FURIN: variants seen among roughly 807,000 people sequenced by gnomAD.
FURIN encodes the protein FES upstream region.
Under a neutral mutation model 89.2 loss-of-function variants are expected in FURIN, and 18 were observed. That is an observed-to-expected ratio of 0.20 (90% CI 0.14 to 0.30). The LOEUF (loss-of-function observed/expected upper bound fraction) is 0.30. Ranked by LOEUF, FURIN falls within the 10% of genes least tolerant of loss-of-function variation. The pLI, the probability that FURIN is intolerant of heterozygous loss-of-function variation, is 1.00. For synonymous variants in FURIN, 508 were observed against 466.4 expected (o/e 1.09, Z -1.15); for missense variants, 879 against 1,100.5 (o/e 0.80, Z 2.85).
chr15:90,880,581 T>G, intron 13 of FURIN, 110 bp from the exon 14 acceptor site: 7 of 1,207,834 alleles, frequency 5.8e-6, no homozygotes, highest in Non-Finnish European at 8.1e-6. Flanking sequence ...TCTGGCCCCA[T>G]GGGGTTGGTC....
intron 6 of FURIN, 107 bp from the exon 7 acceptor site, chr15:90,877,420 G>T: frequency 1.0e-6 from 1 of 969,294 alleles, no homozygotes; most frequent in Non-Finnish European, 1.5e-6. Context: ...GGTACTCAGG[G>T]GATGATGGGT....
At position 90,878,120 on chromosome 15, in the gene FURIN, C is replaced by T. The variant is rs555199914; in HGVS notation, c.668-12C>T. 25 of 1,613,572 alleles carry T rather than the reference C, an allele frequency of 1.5e-5. No homozygotes were observed. Among genetic ancestry groups the T allele is most frequent in the Non-Finnish European group, 1.8e-5 (21 of 1,179,952 alleles). On this transcript the variant is annotated splice_polypyrimidine_tract_variant and intron_variant, in intron 7 of 15. Transcript: ENST00000268171. ...TGCAGCATCCCTCTTCGTGCCCCCC[C>T]TTCACGGCCAGGGGTGCGCATGCTG...
rs545280206 is a variant in FURIN, at chr15:90,882,724, G to A, written c.*846G>A. ...CCACCCGATGCTGCTTTCCCCTGTG[G>A]GGATCTCAGGGGCTGTTTGAGGATA... On this transcript the variant is annotated 3_prime_UTR_variant, in exon 16 of 16. Transcript: ENST00000268171. The A allele has an allele frequency of 1.3e-5, 2 of 152,816 alleles. No individual in the cohort carries two copies. The highest frequency in any genetic ancestry group is 4.1e-4 in the South Asian group (2 of 4,838). The allele number at this position is 152,816 out of a possible 1,614,324, so 9.5% of individuals were successfully genotyped here.
chr15:90,877,936 CTT>C (rs2031727554), intron 7 of FURIN, among the ~76,000 whole-genome samples, 194 bp from the exon 8 acceptor site: 1 of 152,180 alleles, frequency 6.6e-6, no homozygotes, highest in Admixed American at 6.5e-5. Flanking sequence ...GAGGTGTTCT[CTT>C]TTTCCTTCTC....
intron 1 of FURIN, among the ~76,000 whole-genome samples, chr15:90,871,986 T>C (rs2031333586): frequency 6.6e-6 from 1 of 151,182 alleles, no homozygotes; most frequent in Non-Finnish European, 1.5e-5. Context: ...GCGGGGCCCC[T>C]GCTGGGGGCG....
Position 90,876,487 on chromosome 15 carries a change from C to T in FURIN, c.302C>T (p.Ala101Val). 1.2e-6 allele frequency: 2 copies of T among 1,613,742 alleles called. No homozygotes were observed. The highest frequency in any genetic ancestry group is 8.5e-7 in the Non-Finnish European group (1 of 1,179,722). ...PQVQWLEQQV[A>V]KRRTKRDVYQ... ...GTACAGTGGCTGGAACAGCAGGTGG[C>T]AAAGCGACGGACTAAACGGGACGTG... Residue 101 changes from alanine (A) to valine (V), a missense_variant, in exon 4 of 16, where the codon GCA becomes GTA. By Grantham distance (64) the Ala-to-Val change is moderately conservative. Around this residue, in one of 5 missense-constraint regions of FURIN, gnomAD observed 139 missense variants for 215.0 expected, o/e 0.65. Transcript: ENST00000268171. This position sits in a 1 kb window ranked among gnomAD's most constrained non-coding sequence, Gnocchi z 5.0.
chr15:90,878,697 C>A, intron 8 of FURIN, 67 bp from the exon 9 acceptor site: 1 of 921,978 alleles, frequency 1.1e-6, no homozygotes, highest in Non-Finnish European at 1.7e-6. Context: ...AGTTTTCCAG[C>A]AGTGTCCTCC....
Position 90,875,653 on chromosome 15 carries a change from C to A in FURIN, c.-88C>A, listed in dbSNP as rs1233153619. The A allele has an allele frequency of 8.0e-7, 1 of 1,244,382 alleles. No homozygotes were observed. The highest frequency in any genetic ancestry group is 1.1e-6 in the Non-Finnish European group (1 of 914,984). 77.1% of individuals were successfully genotyped at this position (1,244,382 alleles called of 1,614,324 possible). A position where few individuals can be genotyped will look rare whatever the true frequency, so the allele number is the denominator to read the frequency against. ...GCCCCCACCAGTCAGCCCCGGGCCACAGGCAGTGAGCAGGCACCTGGGAGC... is the reference window on the plus strand; with the variant it reads ...GCCCCCACCAGTCAGCCCCGGGCCAAAGGCAGTGAGCAGGCACCTGGGAGC... On this transcript the variant is annotated 5_prime_UTR_variant, in exon 2 of 16. Coordinates refer to ENST00000268171, the MANE Select transcript of FURIN (RefSeq NM_002569.4).
chr15:90,882,111 G>C lies in FURIN; in HGVS notation c.*233G>C. 1 of 534,888 alleles carries C rather than the reference G, an allele frequency of 1.9e-6. No homozygotes were observed. The highest frequency in any genetic ancestry group is 3.3e-6 in the Non-Finnish European group (1 of 301,080). 33.1% of individuals were successfully genotyped at this position (534,888 alleles called of 1,614,324 possible). ...TCAGCACCCCTTCCATGTGGAGAAAGGAGTGAAACCTTTAGGGCAGCTTGC... is the reference window on the plus strand; with the variant it reads ...TCAGCACCCCTTCCATGTGGAGAAACGAGTGAAACCTTTAGGGCAGCTTGC... On this transcript the variant is annotated 3_prime_UTR_variant, in exon 16 of 16. Coordinates refer to ENST00000268171, the MANE Select transcript of FURIN (RefSeq NM_002569.4).
In FURIN at chr15:90,882,827, TACCCACGTTCTCAC is replaced by T. The variant is rs1162412154; in HGVS notation, c.*956_*969del. On this transcript the variant is annotated 3_prime_UTR_variant, in exon 16 of 16. Transcript: ENST00000268171. Reference sequence around the variant, plus strand: ...TTTTTAATGGGGGTAGCAGCTGGACTACCCACGTTCTCACACCCACCGTCCGCCCTGCTCCTCCC... The same window carrying T: ...TTTTTAATGGGGGTAGCAGCTGGACTACCCACCGTCCGCCCTGCTCCTCCC... The T allele has an allele frequency of 6.6e-6, 1 of 152,670 alleles. No individual in the cohort carries two copies. Among genetic ancestry groups the T allele is most frequent in the Non-Finnish European group, 1.5e-5 (1 of 68,102 alleles). 9.5% of individuals were successfully genotyped at this position (152,670 alleles called of 1,614,324 possible).
intron 6 of FURIN, 39 bp downstream of exon 6, chr15:90,877,250 C>T (rs201836327): frequency 1.4e-6 from 2 of 1,469,204 alleles, no homozygotes; most frequent in Non-Finnish European, 9.3e-7. Flanking sequence ...CTCCCTTCTC[C>T]TTTCTTCCAC....
chr15:90,879,791 C>T lies in FURIN; in HGVS notation c.1258+17C>T. On this transcript the variant is annotated intron_variant, in intron 11 of 15. Transcript: ENST00000268171. Reference sequence around the variant, plus strand: ...GCCGGAAAGGTGAGGGCAGGCTGGCCCGGCAGGCTGGATGTGGAGTTAGGT... The same window carrying T: ...GCCGGAAAGGTGAGGGCAGGCTGGCTCGGCAGGCTGGATGTGGAGTTAGGT... 1.2e-6 allele frequency: 2 copies of T among 1,610,622 alleles called. No homozygotes were observed. The highest frequency in any genetic ancestry group is 1.7e-6 in the Non-Finnish European group (2 of 1,177,314).
chr15:90,883,408 A>G lies in FURIN; in HGVS notation c.*1530A>G, dbSNP rs1280566485. On this transcript the variant is annotated 3_prime_UTR_variant, in exon 16 of 16. Coordinates refer to ENST00000268171, the MANE Select transcript of FURIN (RefSeq NM_002569.4). ...GCTGGTTCTATTTAATGGACATGAG[A>G]TAATGTTAGAGGTTTTAAAGTGATT... 2.0e-5 allele frequency: 3 copies of G among 152,624 alleles called. No individual in the cohort carries two copies. Among genetic ancestry groups the G allele is most frequent in the African/African-American group, 7.2e-5 (3 of 41,444 alleles). The allele number at this position is 152,624 out of a possible 1,614,324, so 9.5% of individuals were successfully genotyped here. A position where few individuals can be genotyped will look rare whatever the true frequency, so the allele number is the denominator to read the frequency against.
At chr15:90,880,597 G>C (rs1158304480) in intron 13 of FURIN, 94 bp from the exon 14 acceptor site, 4 of 1,402,646 alleles carry the variant, frequency 2.9e-6, no homozygotes, top group South Asian at 1.4e-5. Context: ...TGGTCTGCGT[G>C]GGGGAAGGGT....
In FURIN at chr15:90,876,454, C is replaced by T; in HGVS notation, c.277-8C>T. The stretch of plus-strand genomic sequence containing the variant: ...CACCCACACCATCTCTCCCTCACTC[C>T]CCCACAGGTACAGTGGCTGGAACAG... On this transcript the variant is annotated splice_region_variant and splice_polypyrimidine_tract_variant and intron_variant, in intron 3 of 15. Coordinates refer to ENST00000268171, the MANE Select transcript of FURIN (RefSeq NM_002569.4). This position sits in a 1 kb window ranked among gnomAD's most constrained non-coding sequence, Gnocchi z 5.0. 2.5e-6 allele frequency: 4 copies of T among 1,605,660 alleles called. No homozygotes were observed. Among genetic ancestry groups the T allele is most frequent in the Admixed American group, 1.7e-5 (1 of 60,004 alleles).
At chr15:90,877,657 T>G (rs1737746511) in intron 7 of FURIN, 42 bp downstream of exon 7, 1 of 1,383,312 alleles carries the variant, frequency 7.2e-7, no homozygotes, top group Non-Finnish European at 1.0e-6. Flanking sequence ...GGAGGGCCCT[T>G]CAGTGGAATT....
At chr15:90,874,456 C>T (rs998022577) in intron 1 of FURIN, among the ~76,000 whole-genome samples, 1 of 152,234 alleles carries the variant, frequency 6.6e-6, no homozygotes, top group African/African-American at 2.4e-5. Flanking sequence ...AAAAACGAGT[C>T]TGGGGCCCTG....
intron 1 of FURIN, among the ~76,000 whole-genome samples, chr15:90,873,683 C>A (rs933894067): frequency 1.1e-4 from 17 of 152,144 alleles, no homozygotes; most frequent in Non-Finnish European, 2.4e-4. Flanking sequence ...CCTAGCTGCC[C>A]AGCCATTGAT....
rs35641241 is a variant in FURIN, at chr15:90,881,727, G to A, written c.2234G>A (p.Arg745Gln). The stretch of plus-strand genomic sequence containing the variant: ...CAGCTGCGCTCTGGCTTTAGTTTTC[G>A]GGGGGTGAAGGTGTACACCATGGAC... ...VLQLRSGFSFRGVKVYTMDRG... is the reference protein window; with the variant it reads ...VLQLRSGFSFQGVKVYTMDRG... Residue 745 changes from arginine (R) to glutamine (Q), a missense_variant, in exon 16 of 16, where the codon CGG (arginine) becomes CAG (glutamine). This residue lies in a region of FURIN where 457 missense variants were observed against 490.7 expected (regional missense o/e 0.93). Transcript: ENST00000268171. The surrounding 1 kb of genome is among the most constrained non-coding windows in gnomAD (Gnocchi z 4.3). 1.2e-3 allele frequency: 1,933 copies of A among 1,598,258 alleles called. 2 individuals carry two copies. Among genetic ancestry groups the A allele is most frequent in the Non-Finnish European group, 1.5e-3 (1,728 of 1,171,170 alleles).
Sources: allele counts gnomAD v4.1 joint callset (sites outside exome capture counted in the v4.1 genomes callset), GRCh38; gene constraint gnomAD v4.1.1; regional missense constraint gnomAD v4.1.1; non-coding constraint Gnocchi (gnomAD v3.1); transcripts MANE v1.5; gene names NCBI Gene and HGNC (gene_info 2026-07-23, HGNC 2026-07-21).